The following EML5 variants were observed in gnomAD, a reference collection of about 807,000 sequenced individuals.
EML5 encodes echinoderm microtubule-associated protein-like 5.
A neutral mutation model predicts 250.0 loss-of-function variants in EML5; 120 were observed. That is an observed-to-expected ratio of 0.48 (90% CI 0.41 to 0.56). The LOEUF is 0.56. Ranked by LOEUF, EML5 falls within the 20% of genes least tolerant of loss-of-function variation. The pLI is 0.00. For synonymous variants in EML5, 771 were observed against 806.5 expected (o/e 0.96, Z 0.75); for missense variants, 2,006 against 2,437.6 (o/e 0.82, Z 3.73).
chr14:88,724,933 C>T (rs946270519), intron 8 of EML5, among the ~76,000 whole-genome samples: 3 of 152,106 alleles, frequency 2.0e-5, no homozygotes, highest in Non-Finnish European at 4.4e-5. Flanking sequence ...TATGGATAGC[C>T]CAACAGGGAG....
intron 17 of EML5, among the ~76,000 whole-genome samples, chr14:88,691,584 G>A (rs1215056884): frequency 6.6e-6 from 1 of 152,128 alleles, no homozygotes; most frequent in Non-Finnish European, 1.5e-5. Flanking sequence ...ACCATGAATA[G>A]AGTTCAAATC....
At position 88,778,757 on chromosome 14, in the gene EML5, G is replaced by A. The variant is rs183415339; in HGVS notation, c.197+13550C>T. Among the ~76,000 whole-genome samples, 197 of 152,284 alleles carry A rather than the reference G, an allele frequency of 1.3e-3. No homozygotes were observed. In the Middle Eastern group the frequency reaches 0.014, roughly 11 times the overall value. ...ATGCGCCACTGCACTCCAGCCTGGC[G>A]ACACAGCAAGACTCCATCTCAAAAA... On this transcript the variant is annotated intron_variant, in intron 1 of 43. Transcript: ENST00000554922.
intron 8 of EML5, among the ~76,000 whole-genome samples, chr14:88,725,120 G>A (rs2093647541): frequency 6.6e-6 from 1 of 152,118 alleles, no homozygotes; most frequent in South Asian, 2.1e-4. Context: ...TAGAGACCCA[G>A]AAAGTAGAAT....
chr14:88,668,308 G>C (rs1362733854), intron 21 of EML5, among the ~76,000 whole-genome samples: 2 of 152,136 alleles, frequency 1.3e-5, no homozygotes, highest in Non-Finnish European at 2.9e-5. Flanking sequence ...CGCTGGAGCA[G>C]TCCTAAATGC....
At chr14:88,634,344 T>A (rs1191167091) in intron 33 of EML5, 125 bp downstream of exon 33, 1 of 617,934 alleles carries the variant, frequency 1.6e-6, no homozygotes, top group African/African-American at 2.0e-5. Flanking sequence ...ACACATTTTC[T>A]TTGTAAATTA....
At chr14:88,693,743 G>T (rs1201717680) in intron 17 of EML5, among the ~76,000 whole-genome samples, 1 of 133,510 alleles carries the variant, frequency 7.5e-6, no homozygotes, top group Admixed American at 7.7e-5. Flanking sequence ...ATACACTTCA[G>T]TTTCTACTAA....
chr14:88,789,745 G>GT (rs2077625158), intron 1 of EML5, among the ~76,000 whole-genome samples: 1 of 151,812 alleles, frequency 6.6e-6, no homozygotes, highest in East Asian at 1.9e-4. Flanking sequence ...CAAAGAACCA[G>GT]TAAGCAAATG....
chr14:88,748,789 G>GA (rs995315147), intron 2 of EML5, among the ~76,000 whole-genome samples: 4 of 151,844 alleles, frequency 2.6e-5, no homozygotes, highest in Admixed American at 1.3e-4. Flanking sequence ...TATCTAAAAT[G>GA]AAAATTTACT....
chr14:88,664,199 C>T lies in EML5; in HGVS notation c.3409+294G>A, dbSNP rs571884736. On this transcript the variant is annotated intron_variant, in intron 23 of 43. Coordinates refer to ENST00000554922, the MANE Select transcript of EML5 (RefSeq NM_183387.3). ...GGCTGAGTTGGGAGGATGACTTAAG[C>T]CCAGGAGGTTAAGGTTGTAGTGAAC... is the stretch of plus-strand genomic sequence containing the variant. 4.0e-5 allele frequency among the ~76,000 whole-genome samples: 6 copies of T among 150,176 alleles called. No individual in the cohort carries two copies. The East Asian group carries it at 6.0e-4, about 15-fold the overall frequency.
intron 22 of EML5, 44 bp downstream of exon 22, chr14:88,665,293 C>T: frequency 6.4e-7 from 1 of 1,566,930 alleles, no homozygotes. Flanking sequence ...TTATACACTG[C>T]CAGACCCAAG....
At chr14:88,630,736 G>A (rs1217769357) in intron 33 of EML5, among the ~76,000 whole-genome samples, 1 of 152,180 alleles carries the variant, frequency 6.6e-6, no homozygotes, top group East Asian at 1.9e-4. Flanking sequence ...GGATTTTTAG[G>A]TCATGGCTCT....
chr14:88,618,126 C>T (rs2088047168), intron 41 of EML5, 102 bp downstream of exon 41: 1 of 888,272 alleles, frequency 1.1e-6, no homozygotes, highest in Non-Finnish European at 1.7e-6. Context: ...ACTTGAAACT[C>T]AATTACTATT....
intron 20 of EML5, among the ~76,000 whole-genome samples, 156 bp downstream of exon 20, chr14:88,684,858 AT>A (rs2141207292): frequency 1.3e-5 from 2 of 149,834 alleles, no homozygotes; most frequent in East Asian, 2.1e-4. Context: ...ATACGTTAAA[AT>A]TTTTTTCTGT....
chr14:88,680,906 G>GA (rs1010533527), intron 21 of EML5, among the ~76,000 whole-genome samples: 7 of 149,902 alleles, frequency 4.7e-5, no homozygotes, highest in African/African-American at 1.5e-4. Flanking sequence ...GGAGTCAGCA[G>GA]AAAAAAAACA....
At chr14:88,615,884 T>G (rs1170865970) in intron 43 of EML5, 30 bp from the exon 44 acceptor site, 2 of 1,599,306 alleles carry the variant, frequency 1.3e-6, no homozygotes, top group South Asian at 2.3e-5. Flanking sequence ...TTGCAGGGAG[T>G]TAATTATGTT....
intron 25 of EML5, among the ~76,000 whole-genome samples, chr14:88,659,874 A>T (rs2092016381): frequency 6.6e-6 from 1 of 152,194 alleles, no homozygotes; most frequent in African/African-American, 2.4e-5. Flanking sequence ...GTTACTCAAG[A>T]TCACCAGGAA....
chr14:88,777,870 G>A (rs2094461239), intron 1 of EML5, among the ~76,000 whole-genome samples: 1 of 152,338 alleles, frequency 6.6e-6, no homozygotes, highest in East Asian at 1.9e-4. Flanking sequence ...AGCTACTCAG[G>A]AGGCTGAGGT....
At chr14:88,616,652 A>G in intron 42 of EML5, 74 bp downstream of exon 42, 1 of 1,360,652 alleles carries the variant, frequency 7.3e-7, no homozygotes, top group Non-Finnish European at 9.9e-7. Context: ...TTTTAAATAT[A>G]TGGGGAAAAG....
chr14:88,627,319 T>A (rs927162769), intron 34 of EML5: 1 of 481,424 alleles, frequency 2.1e-6, no homozygotes. Flanking sequence ...GCCATTATCA[T>A]TAGAAATATA....
Sources: allele counts gnomAD v4.1 joint callset (sites outside exome capture counted in the v4.1 genomes callset), GRCh38; gene constraint gnomAD v4.1.1; transcripts MANE v1.5; gene names NCBI Gene and HGNC (gene_info 2026-07-23, HGNC 2026-07-21).